The following BTAF1 variants were observed in gnomAD, a reference collection of about 807,000 sequenced individuals.
The protein encoded by BTAF1 is B-TFIID TATA-box binding protein associated factor 1.
BTAF1 carries 38 observed loss-of-function variants against 227.1 expected under a neutral mutation model. The ratio of observed to expected loss-of-function variants is 0.17; its 90% CI spans 0.13 to 0.22. The LOEUF (loss-of-function observed/expected upper bound fraction) is 0.22. Among genes scored for constraint, BTAF1 ranks in the 10% least tolerant of loss-of-function variants. The pLI, the probability that BTAF1 is intolerant of heterozygous loss-of-function variation, is 1.00. For missense variants in BTAF1, 1,598 were observed against 2,204.0 expected, an observed-to-expected ratio of 0.73 and a Z score of 5.51; for synonymous variants, 742 against 751.9, an observed-to-expected ratio of 0.99 and a Z score of 0.21.
At chr10:92,022,663 C>T (rs1851220832) in intron 34 of BTAF1, among the ~76,000 whole-genome samples, 1 of 152,108 alleles carries the variant, frequency 6.6e-6, no homozygotes, top group Non-Finnish European at 1.5e-5. Context: ...AGCAGTCTTC[C>T]CACATTAGCA....
intron 4 of BTAF1, among the ~76,000 whole-genome samples, chr10:91,943,617 G>T (rs1016308887): frequency 5.9e-5 from 9 of 152,088 alleles, no homozygotes; most frequent in African/African-American, 2.2e-4. Flanking sequence ...TCTATTAAAA[G>T]ATCTAGTTAT....
intron 4 of BTAF1, among the ~76,000 whole-genome samples, chr10:91,944,344 G>T (rs959015238): frequency 6.6e-6 from 1 of 152,082 alleles, no homozygotes; most frequent in South Asian, 2.1e-4. Flanking sequence ...ATATATTAAT[G>T]ACACCATATA....
intron 12 of BTAF1, among the ~76,000 whole-genome samples, chr10:91,963,354 G>C (rs1220554343): frequency 6.6e-6 from 1 of 151,132 alleles, no homozygotes; most frequent in Non-Finnish European, 1.5e-5. Context: ...GGGAGGCAGA[G>C]CTTGCAGTGA....
At chr10:92,005,875 T>G (rs1564711753) in intron 25 of BTAF1, among the ~76,000 whole-genome samples, 1 of 149,640 alleles carries the variant, frequency 6.7e-6, no homozygotes, top group Non-Finnish European at 1.5e-5. Context: ...TTTTTTGGGT[T>G]TTTTTTTTTT....
chr10:91,981,307 T>A (rs966829192), intron 15 of BTAF1, among the ~76,000 whole-genome samples: 4 of 152,216 alleles, frequency 2.6e-5, no homozygotes, highest in African/African-American at 9.6e-5. Flanking sequence ...AATATAGGAC[T>A]GCATTAATAT....
chr10:92,008,279 A>T lies in BTAF1; in HGVS notation c.3813+4A>T, dbSNP rs751727866. The T allele has an allele frequency of 2.6e-6, 4 of 1,564,550 alleles. No individual in the cohort carries two copies. The highest frequency in any genetic ancestry group is 2.3e-5 in the Admixed American group (1 of 44,338). On this transcript the variant is annotated splice_donor_region_variant and intron_variant, in intron 26 of 37. Transcript: ENST00000265990. ...TGAACTCAGAAAATATCAGCAGGTA[A>T]GTTTTATACAATAGTGAGTTTTCCT...
At chr10:91,954,524 C>T (rs1262143913) in intron 6 of BTAF1, among the ~76,000 whole-genome samples, 1 of 151,202 alleles carries the variant, frequency 6.6e-6, no homozygotes, top group Non-Finnish European at 1.5e-5. Context: ...TTCAGGTGCT[C>T]TTCGAGGACC....
intron 35 of BTAF1, among the ~76,000 whole-genome samples, chr10:92,026,122 G>A (rs1851498712): frequency 6.6e-6 from 1 of 152,112 alleles, no homozygotes; most frequent in Non-Finnish European, 1.5e-5. Context: ...TATTTTTAAT[G>A]TTAGTTTTTT....
chr10:91,981,522 T>C (rs1848061863), intron 15 of BTAF1, 121 bp from the exon 16 acceptor site: 1 of 1,070,002 alleles, frequency 9.3e-7, no homozygotes, highest in Admixed American at 2.8e-5. Context: ...CTATATTGAA[T>C]TTCTAAATTA....
intron 32 of BTAF1, 127 bp downstream of exon 32, chr10:92,014,156 G>A (rs1431994323): frequency 6.2e-5 from 61 of 984,722 alleles, no homozygotes; most frequent in Non-Finnish European, 7.5e-5. Flanking sequence ...AAGCCTAAAT[G>A]ATGTGGATGT....
Position 92,018,512 on chromosome 10 carries a change from A to C in BTAF1, c.4711-271A>C, listed in dbSNP as rs2048901. Among the ~76,000 whole-genome samples the C allele has an allele frequency of 0.14, 20,977 of 152,210 alleles. 1,719 individuals are homozygous for C. The highest frequency in any genetic ancestry group is 0.22 in the East Asian group (1,143 of 5,176). ...TTTAAAGAAAACAACTAAGACGCTC[A>C]ATTTGCCATGGGAAGCTCATTGTCT... On this transcript the variant is annotated intron_variant, in intron 33 of 37. Transcript: ENST00000265990.
At chr10:91,986,688 G>T (rs1848415509) in intron 19 of BTAF1, among the ~76,000 whole-genome samples, 1 of 151,892 alleles carries the variant, frequency 6.6e-6, no homozygotes, top group Admixed American at 6.6e-5. Context: ...TATAGTCTAG[G>T]TTCCCTGCCT....
intron 4 of BTAF1, among the ~76,000 whole-genome samples, chr10:91,950,564 A>G (rs544985830): frequency 6.1e-4 from 92 of 152,014 alleles, no homozygotes; most frequent in Admixed American, 1.8e-3. Flanking sequence ...GCCCTTTGGT[A>G]TGTTCTGTTT....
chr10:91,964,489 T>G (rs1026584584), intron 13 of BTAF1, among the ~76,000 whole-genome samples: 2 of 152,144 alleles, frequency 1.3e-5, no homozygotes, highest in Non-Finnish European at 2.9e-5. Context: ...GAATAGTATT[T>G]CCAGTTCTAG....
At chr10:92,013,016 G>C (rs774708316) in intron 30 of BTAF1, among the ~76,000 whole-genome samples, 47 of 152,156 alleles carry the variant, frequency 3.1e-4, no homozygotes, top group Non-Finnish European at 5.1e-4. Context: ...CCAGAGTCAG[G>C]GGGCAGAGGC....
intron 1 of BTAF1, among the ~76,000 whole-genome samples, chr10:91,925,709 A>G (rs1436195657): frequency 6.6e-6 from 1 of 152,016 alleles, no homozygotes; most frequent in Non-Finnish European, 1.5e-5. Context: ...GACGGGTTTC[A>G]CCGTGTTAGC....
intron 20 of BTAF1, among the ~76,000 whole-genome samples, chr10:91,991,787 GTGTGTGTGTGTATATATATATATA>G (rs1252041363): frequency 2.9e-4 from 6 of 20,728 alleles, no homozygotes; most frequent in Non-Finnish European, 4.0e-4. Flanking sequence ...GTGTGTGTGT[GTGTGTGTGTGTATATATATATATA>G]TATATATATA....
intron 8 of BTAF1, among the ~76,000 whole-genome samples, chr10:91,958,708 A>T (rs1293756850): frequency 6.6e-6 from 1 of 152,090 alleles, no homozygotes; most frequent in Non-Finnish European, 1.5e-5. Context: ...ATCTCGAAAA[A>T]CAAACAAACA....
chr10:91,961,809 G>T (rs568013251), intron 11 of BTAF1, among the ~76,000 whole-genome samples: 183 of 152,232 alleles, frequency 1.2e-3, no homozygotes, highest in African/African-American at 4.1e-3. Flanking sequence ...GAAATGAAAA[G>T]ACATTAAATT....
Sources: gnomAD v4.1 joint callset for allele counts (sites outside exome capture counted in the v4.1 genomes callset) on GRCh38, gnomAD v4.1.1 for gene constraint, MANE v1.5 for transcripts, NCBI Gene and HGNC (gene_info 2026-07-23, HGNC 2026-07-21) for gene names.